CAPN14: variants seen among roughly 807,000 people sequenced by gnomAD.
CAPN14 encodes calpain 14.
CAPN14 carries 94 observed loss-of-function variants against 101.3 expected under a neutral mutation model. The observed-to-expected ratio is 0.93, with a 90% CI of 0.79 to 1.10. CAPN14 has a LOEUF of 1.10. Among genes scored for constraint, CAPN14 ranks in the 50% least tolerant of loss-of-function variants. The pLI is 0.00. For synonymous variants in CAPN14, 338 were observed against 317.9 expected (o/e 1.06, Z -0.67); for missense variants, 837 against 828.4 (o/e 1.01, Z -0.13).
intron 16 of CAPN14, among the ~76,000 whole-genome samples, chr2:31,182,062 G>A (rs966103104): frequency 4.6e-5 from 7 of 152,178 alleles, no homozygotes; most frequent in South Asian, 4.1e-4. Flanking sequence ...TGGGTCAAAT[G>A]GTATTTCTAG....
chr2:31,221,541 G>A (rs906093926), upstream of CAPN14, among the ~76,000 whole-genome samples: 2 of 150,660 alleles, frequency 1.3e-5, no homozygotes, highest in African/African-American at 5.0e-5. Flanking sequence ...TGCCTTTTTG[G>A]GGTTTGGTTT....
chr2:31,205,887 G>C lies in CAPN14; in HGVS notation c.-52-388C>G, dbSNP rs141644364. On this transcript the variant is annotated intron_variant, in intron 1 of 21. Transcript: ENST00000403897. The stretch of plus-strand genomic sequence containing the variant: ...GGGTCCTGTGCCTGCCAAGGTAGTG[G>C]GGAGTAGTGGCTGCCTGCTCAGGCC... Among the ~76,000 whole-genome samples, 418 of 152,118 alleles carry C rather than the reference G, an allele frequency of 2.7e-3. 2 individuals carry two copies. The highest frequency in any genetic ancestry group is 9.3e-3 in the African/African-American group (385 of 41,520).
rs1297099457 is a variant in CAPN14, at chr2:31,173,888, G to A, written c.*793C>T. The A allele has an allele frequency of 6.6e-6, 1 of 152,150 alleles. No individual in the cohort carries two copies. The highest frequency in any genetic ancestry group is 1.9e-4 in the East Asian group (1 of 5,182). 9.4% of individuals were successfully genotyped at this position (152,150 alleles called of 1,614,324 possible). ...ACTGATTGACTCTATAATTTAGCATGGGTTTGTTTTTGTCCTTTGAAGTAG... is the reference window on the plus strand; with the variant it reads ...ACTGATTGACTCTATAATTTAGCATAGGTTTGTTTTTGTCCTTTGAAGTAG... On this transcript the variant is annotated 3_prime_UTR_variant, in exon 22 of 22. Transcript: ENST00000403897.
At chr2:31,202,981 G>T in intron 3 of CAPN14, 89 bp downstream of exon 3, 1 of 1,137,830 alleles carries the variant, frequency 8.8e-7, no homozygotes, top group Non-Finnish European at 1.3e-6. Context: ...GGGGATCTCT[G>T]GCTTCTCTTC....
At chr2:31,200,962 C>T (rs1473132955) in intron 5 of CAPN14, among the ~76,000 whole-genome samples, 1 of 152,144 alleles carries the variant, frequency 6.6e-6, no homozygotes, top group Non-Finnish European at 1.5e-5. Flanking sequence ...TTGCTTTGAA[C>T]CCATCAGTTA....
intron 5 of CAPN14, 125 bp downstream of exon 5, chr2:31,201,737 A>T: frequency 8.0e-7 from 1 of 1,244,580 alleles, no homozygotes; most frequent in South Asian, 1.5e-5. Flanking sequence ...TGTCACTTCT[A>T]TGTTGGCTAA....
At chr2:31,201,825 A>G (rs1681796710) in intron 5 of CAPN14, 37 bp downstream of exon 5, 1 of 1,544,662 alleles carries the variant, frequency 6.5e-7, no homozygotes, top group Admixed American at 2.0e-5. Context: ...GAGAAAAAGA[A>G]GCGATGGGAA....
rs1376416294 is a variant in CAPN14 at position 31,200,557 on chromosome 2, C to T, written c.620G>A (p.Gly207Glu). Residue 207 changes from glycine to glutamate, a missense_variant, in exon 6 of 22, where the codon GGG (glycine) becomes GAG (glutamate). Gly to Glu is a moderately conservative substitution (Grantham distance 98, BLOSUM62 -2). Transcript: ENST00000403897. Reference protein sequence around the residue: ...VSEALVDFTGGVTMTINLAEA... With the variant: ...VSEALVDFTGEVTMTINLAEA... ...TGCCAGGTTGATGGTCATTGTCACC[C>T]CTCCAGTGAAGTCTACAAGGGCTTC... is the stretch of plus-strand genomic sequence containing the variant. 6.4e-7 allele frequency: 1 copy of T among 1,551,550 alleles called. No individual in the cohort carries two copies. Among genetic ancestry groups the T allele is most frequent in the African/African-American group, 1.4e-5 (1 of 73,026 alleles).
intron 9 of CAPN14, among the ~76,000 whole-genome samples, chr2:31,193,641 C>A (rs1681323986): frequency 6.6e-6 from 1 of 152,196 alleles, no homozygotes; most frequent in African/African-American, 2.4e-5. Flanking sequence ...TATAAATGTT[C>A]AATAAGAATT....
At chr2:31,229,077 A>G (rs1683108941) in intron 1 of CAPN14, among the ~76,000 whole-genome samples, 1 of 152,196 alleles carries the variant, frequency 6.6e-6, no homozygotes, top group South Asian at 2.1e-4. Flanking sequence ...AAAAGTCCAA[A>G]AACACTAAAC....
In CAPN14 at chr2:31,205,431, G is replaced by A. The variant is rs1682024190; in HGVS notation, c.17C>T (p.Pro6Leu). The stretch of plus-strand genomic sequence containing the variant: ...CGCCAGCTTCCATCTGCATCGGAAA[G>A]GTGGCCACAGAGACATGGCAGGTGG... MSLWPPFRCRWKLAPR... is the reference protein window; with the variant it reads MSLWPLFRCRWKLAPR... The change falls in exon 2 of 22, where the codon CCT (proline) becomes CTT (leucine). Residue 6 changes from proline (P) to leucine (L), a missense_variant. Pro to Leu is a moderately conservative substitution (Grantham distance 98, BLOSUM62 -3). Transcript: ENST00000403897. 6.4e-7 allele frequency: 1 copy of A among 1,551,482 alleles called. No individual in the cohort carries two copies. Among genetic ancestry groups the A allele is most frequent in the Non-Finnish European group, 8.7e-7 (1 of 1,146,968 alleles).
chr2:31,199,902 T>G (rs778636617), intron 6 of CAPN14, among the ~76,000 whole-genome samples: 1 of 152,352 alleles, frequency 6.6e-6, no homozygotes, highest in East Asian at 1.9e-4. Flanking sequence ...GTGCCTTGCA[T>G]GTAGCTGGCA....
intron 17 of CAPN14, 50 bp from the exon 18 acceptor site, chr2:31,178,629 T>G: frequency 1.3e-5 from 16 of 1,274,326 alleles, no homozygotes; most frequent in Non-Finnish European, 1.7e-5. Context: ...CTATCCATGC[T>G]TTGGAGGCAG....
chr2:31,194,044 G>C (rs1227375952), intron 9 of CAPN14, among the ~76,000 whole-genome samples: 1 of 152,190 alleles, frequency 6.6e-6, no homozygotes, highest in Non-Finnish European at 1.5e-5. Context: ...GCACTGGTCA[G>C]GGGCCTATCC....
intron 12 of CAPN14, 102 bp downstream of exon 12, chr2:31,191,297 T>G: frequency 8.8e-7 from 1 of 1,132,800 alleles, no homozygotes; most frequent in Non-Finnish European, 1.3e-6. Context: ...CATAGCTTCT[T>G]ACGCAGTAGA....
Position 31,193,186 on chromosome 2 carries a change from C to A in CAPN14, c.1059G>T (p.Arg353=), listed in dbSNP as rs550751744. 2.6e-4 allele frequency: 404 copies of A among 1,551,630 alleles called. 4 individuals carry two copies. In the South Asian group the frequency reaches 4.4e-3, roughly 17 times the overall value. ...EAAQKWTYTM[R]EGRWEKRSTA... is the part of the protein sequence containing the mutation. ...TGCTCCGCTTCTCCCATCTCCCCTC[C>A]CGCATGGTGTACGTCCACTTCTGGG... is the stretch of plus-strand genomic sequence containing the variant. The change falls in exon 10 of 22, where the codon CGG becomes CGT. Residue 353 remains arginine (R), a synonymous_variant. Transcript: ENST00000403897.
At chr2:31,200,035 C>A (rs1017079772) in intron 6 of CAPN14, among the ~76,000 whole-genome samples, 1 of 152,130 alleles carries the variant, frequency 6.6e-6, no homozygotes, top group Non-Finnish European at 1.5e-5. Flanking sequence ...CGGAATCTCT[C>A]TCTTGTTGCC....
upstream of CAPN14, among the ~76,000 whole-genome samples, chr2:31,217,707 G>C (rs1387843938): frequency 6.6e-6 from 1 of 152,166 alleles, no homozygotes; most frequent in African/African-American, 2.4e-5. Flanking sequence ...ACCATACAGA[G>C]AAAGCCTGTT....
chr2:31,181,027 G>A, intron 16 of CAPN14, 27 bp from the exon 17 acceptor site: 1 of 1,548,284 alleles, frequency 6.5e-7, no homozygotes, highest in Non-Finnish European at 8.7e-7. Flanking sequence ...GAGTCCACAT[G>A]GGGGCTGGCC....
Sources: allele counts gnomAD v4.1 joint callset (sites outside exome capture counted in the v4.1 genomes callset), GRCh38; gene constraint gnomAD v4.1.1; transcripts MANE v1.5; gene names NCBI Gene and HGNC (gene_info 2026-07-23, HGNC 2026-07-21).